The following PLCXD3 variants were observed in gnomAD, a reference collection of about 807,000 sequenced individuals.
PLCXD3 encodes PI-PLC X domain-containing protein 3.
PLCXD3 carries 19 observed loss-of-function variants against 25.5 expected under a neutral mutation model. The ratio of observed to expected loss-of-function variants is 0.75; its 90% CI spans 0.52 to 1.09. PLCXD3 has a LOEUF of 1.09. PLCXD3 is among the 50% of genes least tolerant of loss of function. The pLI, the probability that PLCXD3 is intolerant of heterozygous loss-of-function variation, is 0.00. For missense variants in PLCXD3, 411 were observed against 388.1 expected (o/e 1.06, Z -0.50); for synonymous variants, 174 against 137.6 (o/e 1.26, Z -1.85).
chr5:41,437,669 T>C (rs914342382), intron 1 of PLCXD3, among the ~76,000 whole-genome samples: 1 of 152,044 alleles, frequency 6.6e-6, no homozygotes, highest in East Asian at 1.9e-4. Flanking sequence ...AAGACAGGAG[T>C]TTGAAGAAGA....
At chr5:41,485,743 T>C (rs917964449) in intron 1 of PLCXD3, among the ~76,000 whole-genome samples, 1 of 152,204 alleles carries the variant, frequency 6.6e-6, no homozygotes, top group Non-Finnish European at 1.5e-5. Context: ...CGGTATGCAT[T>C]ACACATTTTC....
At chr5:41,492,303 C>T (rs550536946) in intron 1 of PLCXD3, among the ~76,000 whole-genome samples, 308 of 151,806 alleles carry the variant, frequency 2.0e-3, no homozygotes, top group African/African-American at 7.1e-3. Context: ...CCGAGAGATC[C>T]GCTGTTAGTC....
At chr5:41,356,223 G>A (rs1744613917) in intron 2 of PLCXD3, among the ~76,000 whole-genome samples, 2 of 152,202 alleles carry the variant, frequency 1.3e-5, no homozygotes, top group African/African-American at 2.4e-5. Context: ...CTGAGATTGC[G>A]CCACTGCACT....
chr5:41,321,858 T>G (rs1393280174), intron 2 of PLCXD3, among the ~76,000 whole-genome samples: 1 of 152,166 alleles, frequency 6.6e-6, no homozygotes, highest in African/African-American at 2.4e-5. Flanking sequence ...CTGGGAAAAT[T>G]GGATATCCAG....
rs1748957910 is a variant in PLCXD3 at position 41,501,828 on chromosome 5, TACC to T, written c.103+8593_103+8595del. On this transcript the variant is annotated intron_variant, in intron 1 of 2. Transcript: ENST00000377801. ...AATAAGATGATAGAGAATTAACCAT[TACC>T]TTTGGCAAAATACAGATCATTGGCT... 3.3e-5 allele frequency among the ~76,000 whole-genome samples: 5 copies of T among 152,232 alleles called. No individual in the cohort carries two copies. In the South Asian group the frequency reaches 1.0e-3, roughly 32 times the overall value.
At chr5:41,371,126 C>G (rs964457994) in intron 2 of PLCXD3, among the ~76,000 whole-genome samples, 1 of 152,124 alleles carries the variant, frequency 6.6e-6, no homozygotes, top group Non-Finnish European at 1.5e-5. Flanking sequence ...GCCTCATTAT[C>G]AAAATGGTCT....
At chr5:41,413,525 G>A (rs923257118) in intron 1 of PLCXD3, among the ~76,000 whole-genome samples, 2 of 152,164 alleles carry the variant, frequency 1.3e-5, no homozygotes, top group African/African-American at 4.8e-5. Context: ...AATGGTCCTT[G>A]CCTTTAGGAA....
chr5:41,362,463 C>A (rs1744813527), intron 2 of PLCXD3, among the ~76,000 whole-genome samples: 1 of 152,252 alleles, frequency 6.6e-6, no homozygotes, highest in East Asian at 1.9e-4. Flanking sequence ...ATATCTGCAT[C>A]ATTTAGTTGT....
intron 1 of PLCXD3, among the ~76,000 whole-genome samples, chr5:41,396,316 C>T (rs1029361959): frequency 6.6e-6 from 1 of 152,000 alleles, no homozygotes; most frequent in Non-Finnish European, 1.5e-5. Flanking sequence ...TAGCACTTCC[C>T]CCTTCTCTCT....
At chr5:41,402,025 T>C (rs1284604054) in intron 1 of PLCXD3, among the ~76,000 whole-genome samples, 5 of 152,028 alleles carry the variant, frequency 3.3e-5, no homozygotes, top group East Asian at 3.8e-4. Context: ...CTAAATTTTA[T>C]TGACATTTCC....
chr5:41,453,472 TG>T (rs1197215002), intron 1 of PLCXD3, among the ~76,000 whole-genome samples: 11 of 152,032 alleles, frequency 7.2e-5, no homozygotes, highest in Admixed American at 5.2e-4. Context: ...TTCTGTTTTA[TG>T]ATACAAGAAT....
intron 2 of PLCXD3, among the ~76,000 whole-genome samples, chr5:41,322,716 C>T (rs1283162991): frequency 6.6e-6 from 1 of 152,154 alleles, no homozygotes; most frequent in Non-Finnish European, 1.5e-5. Context: ...GTGGCCCACG[C>T]CTGTAATTCT....
At chr5:41,403,406 T>TG (rs1371630089) in intron 1 of PLCXD3, among the ~76,000 whole-genome samples, 12 of 30,740 alleles carry the variant, frequency 3.9e-4, no homozygotes, top group South Asian at 6.9e-4. Flanking sequence ...TTGTTGTTTT[T>TG]TTTTTTTTTT....
intron 2 of PLCXD3, among the ~76,000 whole-genome samples, chr5:41,314,114 G>T (rs1743221351): frequency 6.6e-6 from 1 of 152,180 alleles, no homozygotes; most frequent in African/African-American, 2.4e-5. Flanking sequence ...ACTACGGATT[G>T]GGGAGGTCAG....
chr5:41,471,970 T>TCTCC (rs1224058799), intron 1 of PLCXD3, among the ~76,000 whole-genome samples: 1 of 103,618 alleles, frequency 9.7e-6, no homozygotes, highest in Admixed American at 9.7e-5. Flanking sequence ...CCCTTCCCTT[T>TCTCC]CTCCCTCCCT....
At chr5:41,318,406 C>A (rs913810725) in intron 2 of PLCXD3, among the ~76,000 whole-genome samples, 1 of 151,868 alleles carries the variant, frequency 6.6e-6, no homozygotes. Context: ...ACAGTCAGTA[C>A]AATAAAATAT....
chr5:41,358,088 G>T (rs1003242887), intron 2 of PLCXD3, among the ~76,000 whole-genome samples: 1 of 152,106 alleles, frequency 6.6e-6, no homozygotes, highest in Non-Finnish European at 1.5e-5. Context: ...TTGATCACTC[G>T]CTATGTACCA....
intron 2 of PLCXD3, among the ~76,000 whole-genome samples, chr5:41,336,022 T>C: frequency 6.6e-6 from 1 of 152,110 alleles, no homozygotes; most frequent in East Asian, 1.9e-4. Flanking sequence ...AGTGAGTATT[T>C]ATCGACTTTT....
chr5:41,430,154 T>C (rs2150508424), intron 1 of PLCXD3, among the ~76,000 whole-genome samples: 1 of 152,312 alleles, frequency 6.6e-6, no homozygotes, highest in South Asian at 2.1e-4. Flanking sequence ...GTAACAATAA[T>C]AGCACCTATC....
Sources: gnomAD v4.1 joint callset for allele counts (sites outside exome capture counted in the v4.1 genomes callset) on GRCh38, gnomAD v4.1.1 for gene constraint, MANE v1.5 for transcripts, NCBI Gene and HGNC (gene_info 2026-07-23, HGNC 2026-07-21) for gene names.